Variants in ZNG1B observed in about 807,000 individuals in gnomAD.
ZNG1B encodes zinc-regulated GTPase metalloprotein activator 1B.
the ZNG1B span, among the ~76,000 whole-genome samples, chr2:113,477,476 C>G: frequency 1.3e-5 from 2 of 152,196 alleles, no homozygotes; most frequent in Non-Finnish European, 2.9e-5. Context: ...AATCGCCTGT[C>G]TTCTGCGTCT....
the ZNG1B span, among the ~76,000 whole-genome samples, chr2:113,474,765 G>A: frequency 6.8e-3 from 1,029 of 152,252 alleles, 12 homozygotes; most frequent in Admixed American, 0.01. Flanking sequence ...TCATTCAGGA[G>A]CAGGTTGTTC....
the ZNG1B span, chr2:113,481,957 A>C: frequency 1.5e-6 from 1 of 651,906 alleles, no homozygotes; most frequent in South Asian, 2.0e-5. Context: ...GTGCATATGT[A>C]TATATATGAA....
chr2:113,473,372 TAAG>T, the ZNG1B span, among the ~76,000 whole-genome samples: 1 of 147,370 alleles, frequency 6.8e-6, no homozygotes, highest in African/African-American at 2.5e-5. Context: ...CTTATCAGCT[TAAG>T]GAGATTTTGG....
chr2:113,476,626 T>A, the ZNG1B span, among the ~76,000 whole-genome samples: 1 of 149,918 alleles, frequency 6.7e-6, no homozygotes, highest in Non-Finnish European at 1.5e-5. Context: ...TTCTGCTCTG[T>A]TTTTTCCCCA....
At chr2:113,443,015 C>A in the ZNG1B span, among the ~76,000 whole-genome samples, 6,553 of 150,116 alleles carry the variant, frequency 0.044, 465 homozygotes, top group African/African-American at 0.15. Context: ...GTTGCCCAGG[C>A]TGGAGTGCAG....
the ZNG1B span, among the ~76,000 whole-genome samples, chr2:113,450,927 G>A: frequency 6.8e-6 from 1 of 146,214 alleles, no homozygotes; most frequent in Non-Finnish European, 1.5e-5. Flanking sequence ...TGGCTTTTAG[G>A]CTCTGCTCTC....
chr2:113,477,769 C>T, the ZNG1B span, among the ~76,000 whole-genome samples: 1 of 152,332 alleles, frequency 6.6e-6, no homozygotes, highest in Non-Finnish European at 1.5e-5. Context: ...ATCTCTGGAA[C>T]GTTTCACTCT....
chr2:113,453,082 A>G, the ZNG1B span: 1 of 1,524,988 alleles, frequency 6.6e-7, no homozygotes, highest in South Asian at 1.2e-5. Context: ...CATGGATAGA[A>G]TCATGTTTCT....
the ZNG1B span, among the ~76,000 whole-genome samples, chr2:113,476,834 G>T: frequency 1.3e-5 from 2 of 152,220 alleles, no homozygotes; most frequent in Non-Finnish European, 2.9e-5. Context: ...CTGCTCGGGG[G>T]TCAGGGGTCA....
At chr2:113,460,719 G>T in the ZNG1B span, 10 of 1,593,668 alleles carry the variant, frequency 6.3e-6, no homozygotes, top group Admixed American at 1.0e-4. Context: ...GAAGCTACTA[G>T]GTATTCATAT....
chr2:113,476,532 A>G, the ZNG1B span, among the ~76,000 whole-genome samples: 977 of 148,452 alleles, frequency 6.6e-3, 14 homozygotes, highest in African/African-American at 0.024. Context: ...GTTGCTGGTG[A>G]GGAGCTGCGT....
chr2:113,447,560 TC>T, the ZNG1B span: 3 of 409,816 alleles, frequency 7.3e-6, no homozygotes, highest in African/African-American at 6.9e-5. Context: ...TAGTTGACTC[TC>T]CCTTTCATAA....
chr2:113,450,316 T>C, the ZNG1B span, among the ~76,000 whole-genome samples: 13 of 143,550 alleles, frequency 9.1e-5, no homozygotes, highest in African/African-American at 3.4e-4. Flanking sequence ...GTATGTATTC[T>C]AATTGCTTTG....
the ZNG1B span, among the ~76,000 whole-genome samples, chr2:113,478,211 G>T: frequency 6.6e-6 from 1 of 152,092 alleles, no homozygotes; most frequent in East Asian, 1.9e-4. Flanking sequence ...TTGCTTAAGG[G>T]TAGGCATAGT....
chr2:113,460,680 C>G, the ZNG1B span: 1 of 1,594,358 alleles, frequency 6.3e-7, no homozygotes, highest in Admixed American at 1.7e-5. Flanking sequence ...TAGCATTTAG[C>G]AGAAGAGAAA....
At chr2:113,439,182 C>A in the ZNG1B span, 1 of 1,274,734 alleles carries the variant, frequency 7.8e-7, no homozygotes, top group Non-Finnish European at 1.1e-6. Flanking sequence ...TACCAGCAAC[C>A]TTGTTGCTGA....
the ZNG1B span, among the ~76,000 whole-genome samples, chr2:113,478,266 A>G: frequency 1.3e-5 from 2 of 151,172 alleles, no homozygotes; most frequent in Non-Finnish European, 2.9e-5. Context: ...TCCTATATAT[A>G]TTTCTTTTCT....
the ZNG1B span, among the ~76,000 whole-genome samples, chr2:113,480,232 C>T: frequency 6.7e-6 from 1 of 150,176 alleles, no homozygotes; most frequent in Admixed American, 6.6e-5. Context: ...TCGTGAACTC[C>T]TGGACTCAAG....
At chr2:113,445,009 G>A in the ZNG1B span, 2 of 1,610,820 alleles carry the variant, frequency 1.2e-6, no homozygotes, top group Non-Finnish European at 1.7e-6. Context: ...AAAAGAAGGG[G>A]AAATTTGATT....
Sources: allele counts gnomAD v4.1 joint callset (sites outside exome capture counted in the v4.1 genomes callset), GRCh38; gene constraint gnomAD v4.1.1; transcripts MANE v1.5; gene names NCBI Gene and HGNC (gene_info 2026-07-23, HGNC 2026-07-21).